The following ZFHX3 variants were observed in gnomAD, a reference collection of about 807,000 sequenced individuals.
ZFHX3 encodes the protein zinc finger homeobox protein 3.
In ZFHX3, 42 loss-of-function variants were observed where a neutral mutation model predicts 279.1. That is an observed-to-expected ratio of 0.15 (90% confidence interval 0.12 to 0.19). The LOEUF is 0.19. Among genes scored for constraint, ZFHX3 ranks in the 10% least tolerant of loss-of-function variants. The pLI is 1.00. For missense variants in ZFHX3, 4,981 were observed against 4,754.0 expected (o/e 1.05, Z -1.40); for synonymous variants, 2,293 against 1,957.8 (o/e 1.17, Z -4.52).
chr16:72,936,526 T>C (rs1190073584), intron 3 of ZFHX3, among the ~76,000 whole-genome samples: 2 of 152,176 alleles, frequency 1.3e-5, no homozygotes, highest in Admixed American at 6.5e-5. Context: ...CGACCAGATA[T>C]TGAATGAGAG....
At chr16:73,286,727 C>G (rs2014611225) in intron 4 of ZFHX3, among the ~76,000 whole-genome samples, 2 of 129,062 alleles carry the variant, frequency 1.5e-5, no homozygotes, top group African/African-American at 3.0e-5. Flanking sequence ...TCATGTGTGG[C>G]TGTGTGGCTG....
At chr16:73,495,818 C>T (rs559110667) in intron 2 of ZFHX3, among the ~76,000 whole-genome samples, 94 of 152,322 alleles carry the variant, frequency 6.2e-4, no homozygotes, top group African/African-American at 2.1e-3. Flanking sequence ...ACTTCATATC[C>T]TTCCCCTCAT....
chr16:73,168,206 T>C (rs1278474082), intron 5 of ZFHX3, among the ~76,000 whole-genome samples: 1 of 147,638 alleles, frequency 6.8e-6, no homozygotes, highest in South Asian at 2.1e-4. Flanking sequence ...CTATAGTTTC[T>C]TTTGTTTTCT....
chr16:72,927,546 T>C (rs1011816693), intron 3 of ZFHX3, among the ~76,000 whole-genome samples: 7 of 152,208 alleles, frequency 4.6e-5, no homozygotes, highest in African/African-American at 1.7e-4. Flanking sequence ...CAGCCACCGA[T>C]GCCCTCAATA....
chr16:72,843,093 G>A (rs1481275389), intron 4 of ZFHX3, among the ~76,000 whole-genome samples: 1 of 152,228 alleles, frequency 6.6e-6, no homozygotes, highest in African/African-American at 2.4e-5. Flanking sequence ...AATGAAGGCT[G>A]TTCGCAAAAG....
intron 1 of ZFHX3, among the ~76,000 whole-genome samples, chr16:73,822,501 G>C (rs1267754207): frequency 6.6e-6 from 1 of 151,234 alleles, no homozygotes; most frequent in East Asian, 1.9e-4. Context: ...GACTGTCATT[G>C]AAAAGCTGCT....
At chr16:73,501,471 T>C (rs2019237997) in intron 2 of ZFHX3, among the ~76,000 whole-genome samples, 1 of 152,206 alleles carries the variant, frequency 6.6e-6, no homozygotes, top group Non-Finnish European at 1.5e-5. Context: ...TCTGGAACTT[T>C]TAACCAGTAG....
At chr16:72,930,389 G>A (rs116393671) in intron 3 of ZFHX3, among the ~76,000 whole-genome samples, 2,855 of 151,940 alleles carry the variant, frequency 0.019, 44 homozygotes, top group Middle Eastern at 0.054. Flanking sequence ...TGGAATTGGA[G>A]GGGAAAAAAG....
At chr16:72,905,678 C>T (rs1362957669) in intron 3 of ZFHX3, among the ~76,000 whole-genome samples, 3 of 152,166 alleles carry the variant, frequency 2.0e-5, no homozygotes, top group Non-Finnish European at 2.9e-5. Context: ...GAATGTGGTA[C>T]ATATTTTAGT....
chr16:73,776,737 G>A (rs1436850777), intron 1 of ZFHX3, among the ~76,000 whole-genome samples: 1 of 152,120 alleles, frequency 6.6e-6, no homozygotes, highest in Non-Finnish European at 1.5e-5. Context: ...AAAGCTATCA[G>A]TAATAAACTG....
intron 2 of ZFHX3, among the ~76,000 whole-genome samples, chr16:73,654,183 C>CA (rs35720246): frequency 0.17 from 14,874 of 88,586 alleles, 1,714 homozygotes; most frequent in African/African-American, 0.38. Context: ...GACTCAGTCT[C>CA]AAAAAAAAAA....
At chr16:72,912,281 G>C (rs756044483) in intron 3 of ZFHX3, among the ~76,000 whole-genome samples, 4 of 152,190 alleles carry the variant, frequency 2.6e-5, no homozygotes, top group African/African-American at 4.8e-5. Flanking sequence ...TGAAAGGAGA[G>C]GGTTAGTAAA....
intron 1 of ZFHX3, among the ~76,000 whole-genome samples, chr16:72,968,409 C>G (rs1031256776): frequency 4.0e-5 from 6 of 151,096 alleles, no homozygotes; most frequent in African/African-American, 1.2e-4. Flanking sequence ...CTGACAAAAT[C>G]TGAATAAGGT....
chr16:73,526,222 G>A (rs1046164459), intron 2 of ZFHX3, among the ~76,000 whole-genome samples: 1 of 152,206 alleles, frequency 6.6e-6, no homozygotes, highest in Non-Finnish European at 1.5e-5. Context: ...CCTCACTTCC[G>A]CCATCATGGG....
intron 4 of ZFHX3, among the ~76,000 whole-genome samples, chr16:73,303,052 A>T (rs1398632299): frequency 6.6e-6 from 1 of 151,266 alleles, no homozygotes; most frequent in Non-Finnish European, 1.5e-5. Flanking sequence ...TTTTTGAGAC[A>T]GGATCTTGCT....
intron 2 of ZFHX3, chr16:73,504,649 G>A (rs113572986): frequency 0.035 from 5,273 of 152,380 alleles, 131 homozygotes; most frequent in African/African-American, 0.074. Flanking sequence ...CCAGCAAGGC[G>A]CTCTCAGCCA....
intron 1 of ZFHX3, among the ~76,000 whole-genome samples, chr16:73,755,977 C>T (rs2053805034): frequency 6.6e-6 from 1 of 152,142 alleles, no homozygotes; most frequent in South Asian, 2.1e-4. Flanking sequence ...CCAAGATGAA[C>T]TTCTGACCAC....
chr16:73,545,976 C>G (rs2020101790), intron 2 of ZFHX3, among the ~76,000 whole-genome samples: 1 of 152,072 alleles, frequency 6.6e-6, no homozygotes, highest in African/African-American at 2.4e-5. Flanking sequence ...TCACCTTAAC[C>G]CAGCTTTTCA....
At chr16:73,419,275 G>A (rs2017666975) in intron 3 of ZFHX3, among the ~76,000 whole-genome samples, 1 of 152,176 alleles carries the variant, frequency 6.6e-6, no homozygotes, top group Non-Finnish European at 1.5e-5. Context: ...TTGCAATGAG[G>A]TAGCTATTAT....
Sources: allele counts gnomAD v4.1 joint callset (sites outside exome capture counted in the v4.1 genomes callset), GRCh38; gene constraint gnomAD v4.1.1; transcripts MANE v1.5; gene names NCBI Gene and HGNC (gene_info 2026-07-23, HGNC 2026-07-21).